CLVS1: variants seen among roughly 807,000 people sequenced by gnomAD.
CLVS1 encodes clavesin-1.
A neutral mutation model predicts 33.1 loss-of-function variants in CLVS1; 10 were observed. The observed-to-expected ratio is 0.30, with a 90% CI of 0.19 to 0.51. CLVS1 has a LOEUF of 0.51. Ranked by LOEUF, CLVS1 falls within the 20% of genes least tolerant of loss-of-function variation. The pLI is 0.97. For missense variants in CLVS1, 343 were observed against 433.4 expected (o/e 0.79, Z 1.85); for synonymous variants, 163 against 166.1 (o/e 0.98, Z 0.14).
chr8:61,466,300 G>A (rs953623155), intron 5 of CLVS1, among the ~76,000 whole-genome samples: 2 of 152,186 alleles, frequency 1.3e-5, no homozygotes, highest in Non-Finnish European at 2.9e-5. Flanking sequence ...ACTCAGTAAT[G>A]GCCACAAGAA....
chr8:61,064,197 A>G (rs975082472), intron 1 of CLVS1, among the ~76,000 whole-genome samples: 6 of 152,168 alleles, frequency 3.9e-5, no homozygotes, highest in Non-Finnish European at 8.8e-5. Flanking sequence ...TGGTGTACAA[A>G]TATCTTTTTG....
chr8:61,074,974 A>T (rs184419734), intron 1 of CLVS1, among the ~76,000 whole-genome samples: 2 of 151,846 alleles, frequency 1.3e-5, no homozygotes, highest in African/African-American at 4.8e-5. Context: ...ATAGAAAATC[A>T]TCCTCCCCCC....
intron 2 of CLVS1, among the ~76,000 whole-genome samples, chr8:61,376,335 G>A (rs1051437634): frequency 1.3e-5 from 2 of 152,248 alleles, no homozygotes; most frequent in Admixed American, 1.3e-4. Flanking sequence ...GGAGGAAGCA[G>A]AGTATGGAAA....
chr8:61,133,236 A>G (rs1251691493), intron 2 of CLVS1, among the ~76,000 whole-genome samples: 2 of 152,138 alleles, frequency 1.3e-5, no homozygotes, highest in African/African-American at 4.8e-5. Flanking sequence ...CACAATAGAC[A>G]GCTGTAAAAG....
chr8:61,050,918 C>T, the CLVS1 span, among the ~76,000 whole-genome samples: 1 of 152,202 alleles, frequency 6.6e-6, no homozygotes, highest in African/African-American at 2.4e-5. Context: ...CCTGCCACCC[C>T]TGGGAAAGTA....
intron 1 of CLVS1, among the ~76,000 whole-genome samples, chr8:61,119,844 A>C: frequency 8.0e-6 from 1 of 124,674 alleles, no homozygotes; most frequent in Non-Finnish European, 1.7e-5. Flanking sequence ...TCTGACAATT[A>C]TGTGTCTTGG....
At chr8:61,422,377 T>A (rs1463221339) in intron 3 of CLVS1, among the ~76,000 whole-genome samples, 1 of 152,224 alleles carries the variant, frequency 6.6e-6, no homozygotes, top group Non-Finnish European at 1.5e-5. Flanking sequence ...GCATGTGTGA[T>A]GTCTCCATCA....
chr8:61,143,506 T>C (rs1806350650), intron 2 of CLVS1, among the ~76,000 whole-genome samples: 1 of 152,092 alleles, frequency 6.6e-6, no homozygotes, highest in Non-Finnish European at 1.5e-5. Flanking sequence ...ACCCAGAACA[T>C]GCTTACTAGT....
At chr8:61,037,533 T>C in the CLVS1 span, among the ~76,000 whole-genome samples, 74 of 152,342 alleles carry the variant, frequency 4.9e-4, no homozygotes, top group African/African-American at 1.5e-3. Context: ...CATTCATCCA[T>C]TGATGGACAT....
At chr8:61,154,274 G>T (rs1377821358) in intron 2 of CLVS1, among the ~76,000 whole-genome samples, 1 of 151,960 alleles carries the variant, frequency 6.6e-6, no homozygotes, top group Non-Finnish European at 1.5e-5. Context: ...TTTTAGGCAG[G>T]CAGACGTTGA....
chr8:61,168,237 T>G (rs1308099018), intron 2 of CLVS1, among the ~76,000 whole-genome samples: 1 of 152,226 alleles, frequency 6.6e-6, no homozygotes, highest in East Asian at 1.9e-4. Flanking sequence ...TGTTTCTTCT[T>G]CATTGAGCCA....
intron 2 of CLVS1, among the ~76,000 whole-genome samples, chr8:61,315,735 T>C (rs982879327): frequency 3.9e-5 from 6 of 152,154 alleles, no homozygotes; most frequent in South Asian, 4.1e-4. Context: ...GTTTATTCTT[T>C]TTTTATATAT....
chr8:61,205,205 C>T (rs574522464), intron 2 of CLVS1, among the ~76,000 whole-genome samples: 2 of 152,138 alleles, frequency 1.3e-5, no homozygotes, highest in African/African-American at 2.4e-5. Context: ...GCATTAAGTC[C>T]GTTCCCATTT....
At chr8:61,039,162 G>T in the CLVS1 span, among the ~76,000 whole-genome samples, 1 of 152,052 alleles carries the variant, frequency 6.6e-6, no homozygotes, top group East Asian at 1.9e-4. Context: ...CCTTTTTGAG[G>T]ACTAGGACAA....
rs77761737 is a variant in CLVS1 at position 61,238,733 on chromosome 8, G to A, written c.-151-60944G>A. On this transcript the variant is annotated intron_variant, in intron 2 of 2. Coordinates refer to the CLVS1 transcript ENST00000522621. The stretch of plus-strand genomic sequence containing the variant: ...AATATTTTACTGTGTGCAATTTTTC[G>A]TGCTATTAAATATTCTTTAAGAAGA... Among the ~76,000 whole-genome samples the A allele has an allele frequency of 4.0e-3, 604 of 152,134 alleles. 2 individuals are homozygous for A. Among genetic ancestry groups the A allele is most frequent in the Admixed American group, 6.0e-3 (92 of 15,288 alleles).
intron 2 of CLVS1, among the ~76,000 whole-genome samples, chr8:61,231,282 G>T (rs1242206096): frequency 1.7e-5 from 2 of 120,898 alleles, no homozygotes; most frequent in Non-Finnish European, 3.4e-5. Context: ...AGGCACCTGT[G>T]CTTGCACACA....
chr8:60,991,892 G>A, the CLVS1 span, among the ~76,000 whole-genome samples: 29 of 152,070 alleles, frequency 1.9e-4, no homozygotes, highest in African/African-American at 6.5e-4. Flanking sequence ...GATTATAGGA[G>A]TGTGTCACTG....
At chr8:61,174,448 C>T (rs1182306809) in intron 2 of CLVS1, among the ~76,000 whole-genome samples, 1 of 109,086 alleles carries the variant, frequency 9.2e-6, no homozygotes. Flanking sequence ...AACAAACAAA[C>T]AAACAAACAA....
chr8:61,443,118 T>C (rs1169129796), intron 3 of CLVS1, among the ~76,000 whole-genome samples: 1 of 152,258 alleles, frequency 6.6e-6, no homozygotes, highest in African/African-American at 2.4e-5. Context: ...GAGCTTATTA[T>C]ATATTCTAGA....
Sources: allele counts gnomAD v4.1 joint callset (sites outside exome capture counted in the v4.1 genomes callset), GRCh38; gene constraint gnomAD v4.1.1; transcripts MANE v1.5; gene names NCBI Gene and HGNC (gene_info 2026-07-23, HGNC 2026-07-21).